VAV2: variants seen among roughly 807,000 people sequenced by gnomAD.
VAV2 encodes the protein guanine nucleotide exchange factor VAV2.
In VAV2, 67 loss-of-function variants were observed where a neutral mutation model predicts 132.5. The ratio of observed to expected loss-of-function variants is 0.51; its 90% CI spans 0.42 to 0.62. VAV2 has a LOEUF of 0.62. VAV2 is among the 20% of genes least tolerant of loss of function. The pLI, the probability that VAV2 is intolerant of heterozygous loss-of-function variation, is 0.00. For missense variants in VAV2, 938 were observed against 1,153.6 expected (o/e 0.81, Z 2.71); for synonymous variants, 492 against 443.5 (o/e 1.11, Z -1.37).
chr9:133,800,250 C>T (rs1834878943), intron 9 of VAV2, among the ~76,000 whole-genome samples: 1 of 152,228 alleles, frequency 6.6e-6, no homozygotes. Context: ...AACCCTAAGG[C>T]CCCCAGCCCA....
At chr9:133,792,517 G>A (rs1470430988) in intron 12 of VAV2, among the ~76,000 whole-genome samples, 3 of 148,512 alleles carry the variant, frequency 2.0e-5, no homozygotes, top group African/African-American at 7.5e-5. Context: ...CGTGTGATTG[G>A]GTGTGTGTTA....
intron 2 of VAV2, among the ~76,000 whole-genome samples, chr9:133,882,984 C>T (rs1020566258): frequency 6.6e-6 from 1 of 152,134 alleles, no homozygotes; most frequent in Non-Finnish European, 1.5e-5. Context: ...CCCCAGAGGC[C>T]TCTGGCACCC....
At chr9:133,970,942 T>C (rs984100029) in intron 1 of VAV2, among the ~76,000 whole-genome samples, 4 of 152,218 alleles carry the variant, frequency 2.6e-5, no homozygotes, top group Non-Finnish European at 4.4e-5. Flanking sequence ...GACAGGCCAA[T>C]TTCTCCCAAG....
chr9:133,988,119 C>T (rs1327249932), intron 1 of VAV2, among the ~76,000 whole-genome samples: 1 of 152,190 alleles, frequency 6.6e-6, no homozygotes, highest in Non-Finnish European at 1.5e-5. Context: ...ATCATAGAGG[C>T]CTCCGGGCTA....
intron 1 of VAV2, among the ~76,000 whole-genome samples, chr9:133,955,611 A>C (rs982420314): frequency 4.2e-3 from 18 of 4,252 alleles, no homozygotes; most frequent in Non-Finnish European, 5.1e-3. Context: ...CCACACCCCC[A>C]CTCCTCCCCC....
rs1564320458 is a variant in VAV2, at chr9:133,763,147, C to G, written c.*915G>C. ...AGGCTGGGCAGACCCTCAGGGACCA[C>G]CCTTCAGGAGAGCAGAGGGGCCTCC... is the stretch of plus-strand genomic sequence containing the variant. On this transcript the variant is annotated 3_prime_UTR_variant, in exon 30 of 30. Transcript: ENST00000371850. This position sits in a 1 kb window ranked among gnomAD's most constrained non-coding sequence, Gnocchi z 6.8. 1 of 152,562 alleles carries G rather than the reference C, an allele frequency of 6.6e-6. No homozygotes were observed. Among genetic ancestry groups the G allele is most frequent in the Non-Finnish European group, 1.5e-5 (1 of 68,060 alleles). The allele number at this position is 152,562 out of a possible 1,614,324, so 9.5% of individuals were successfully genotyped here. A position where few individuals can be genotyped will look rare whatever the true frequency, so the allele number is the denominator to read the frequency against.
intron 2 of VAV2, among the ~76,000 whole-genome samples, chr9:133,920,171 G>A (rs1441816166): frequency 6.6e-6 from 1 of 152,024 alleles, no homozygotes; most frequent in Non-Finnish European, 1.5e-5. Context: ...GCCATCAAAG[G>A]CAGAGCTGAG....
rs1843025769 is a variant in VAV2 at position 133,991,712 on chromosome 9, A to G, written c.204+363T>C. 6.6e-6 allele frequency among the ~76,000 whole-genome samples: 1 copy of G among 151,366 alleles called. No individual in the cohort carries two copies. The highest frequency in any genetic ancestry group is 1.5e-5 in the Non-Finnish European group (1 of 67,764). ...CCCAAGGATGCGACCCACGACGCGC[A>G]CACCCGGCTCGGCAGGCTCCCTGGG... On this transcript the variant is annotated intron_variant, in intron 1 of 29. Transcript: ENST00000371850. The surrounding 1 kb of genome is among the most constrained non-coding windows in gnomAD (Gnocchi z 4.8).
chr9:133,795,702 C>T lies in VAV2; in HGVS notation c.1067G>A (p.Arg356Lys). 6.2e-7 allele frequency: 1 copy of T among 1,614,156 alleles called. No individual in the cohort carries two copies. The highest frequency in any genetic ancestry group is 8.5e-7 in the Non-Finnish European group (1 of 1,179,992). The change falls in exon 12 of 30, where the codon AGG (arginine) becomes AAG (lysine). Residue 356 changes from arginine (R) to lysine (K), a missense_variant. Transcript: ENST00000371850. ...TTCCAGTGCTTCTTTGAGCTGCTGC[C>T]TCTCAGGCCGTTCCGCAGAATGGCT... Reference protein sequence around the residue: ...LLSHSAERPERQQLKEALEAM... With the variant: ...LLSHSAERPEKQQLKEALEAM...
At chr9:133,930,577 C>T (rs1241361567) in intron 2 of VAV2, among the ~76,000 whole-genome samples, 2 of 152,250 alleles carry the variant, frequency 1.3e-5, no homozygotes, top group Non-Finnish European at 2.9e-5. Flanking sequence ...AGGGCACAGC[C>T]GAGCAGATAA....
intron 1 of VAV2, among the ~76,000 whole-genome samples, chr9:133,967,292 T>C (rs752619879): frequency 6.4e-4 from 98 of 152,202 alleles, no homozygotes; most frequent in Admixed American, 2.6e-3. Context: ...AGGGGAACAC[T>C]AGTACACTGC....
At chr9:133,801,048 C>T (rs910020103) in intron 9 of VAV2, among the ~76,000 whole-genome samples, 1 of 152,222 alleles carries the variant, frequency 6.6e-6, no homozygotes, top group African/African-American at 2.4e-5. Context: ...TGAGCTCCTG[C>T]AATGGGTCTC....
intron 24 of VAV2, 125 bp from the exon 25 acceptor site, chr9:133,775,176 T>C (rs1833770955): frequency 6.5e-6 from 5 of 769,054 alleles, no homozygotes; most frequent in South Asian, 5.5e-5. Flanking sequence ...GCTCATCTCC[T>C]AATGAACCCA....
At chr9:133,775,683 A>G (rs568434079) in intron 24 of VAV2, among the ~76,000 whole-genome samples, 3 of 152,280 alleles carry the variant, frequency 2.0e-5, no homozygotes, top group African/African-American at 7.2e-5. Context: ...CTGTATTGTC[A>G]GTAAGTGGAT....
intron 1 of VAV2, among the ~76,000 whole-genome samples, chr9:133,948,531 G>A (rs485458): frequency 0.34 from 52,316 of 151,940 alleles, 9,796 homozygotes; most frequent in Non-Finnish European, 0.42. Flanking sequence ...CAGGCGGCCC[G>A]CGTGCCCTCA....
At chr9:133,956,568 A>C (rs2132205141) in intron 1 of VAV2, among the ~76,000 whole-genome samples, 1 of 152,240 alleles carries the variant, frequency 6.6e-6, no homozygotes, top group Non-Finnish European at 1.5e-5. Flanking sequence ...GAGTCCTGGG[A>C]ATGTATAAAA....
At chr9:133,821,603 G>T (rs1369262406) in intron 4 of VAV2, among the ~76,000 whole-genome samples, 2 of 152,172 alleles carry the variant, frequency 1.3e-5, no homozygotes, top group Non-Finnish European at 2.9e-5. Flanking sequence ...TTTAGCACAG[G>T]GGCCGGTCTC....
intron 17 of VAV2, 84 bp downstream of exon 17, chr9:133,785,692 A>T (rs1834189240): frequency 4.5e-6 from 6 of 1,347,850 alleles, no homozygotes; most frequent in Non-Finnish European, 6.2e-6. Context: ...GTCTGAGAGG[A>T]ACCACAGACA....
rs949664344 is a variant in VAV2, at chr9:133,855,344, T to C, written c.380+6030A>G. On this transcript the variant is annotated intron_variant, in intron 3 of 29. Transcript: ENST00000371850. ...TGAGATGTCTCACATGAGAGGTATTTGGTACCTTGTAGGTGATTTGGGAAG... is the reference window on the plus strand; with the variant it reads ...TGAGATGTCTCACATGAGAGGTATTCGGTACCTTGTAGGTGATTTGGGAAG... Among the ~76,000 whole-genome samples the C allele has an allele frequency of 3.9e-5, 6 of 152,334 alleles. No individual in the cohort carries two copies. The East Asian group carries it at 1.2e-3, about 29-fold the overall frequency.
Sources: gnomAD v4.1 joint callset for allele counts (sites outside exome capture counted in the v4.1 genomes callset) on GRCh38, gnomAD v4.1.1 for gene constraint, Gnocchi (gnomAD v3.1) non-coding constraint, MANE v1.5 for transcripts, NCBI Gene and HGNC (gene_info 2026-07-23, HGNC 2026-07-21) for gene names.